The following NYAP2 variants were observed in gnomAD, a reference collection of about 807,000 sequenced individuals.
The protein encoded by NYAP2 is neuronal tyrosine-phosphorylated phosphoinositide-3-kinase adapter 2.
A neutral mutation model predicts 50.4 loss-of-function variants in NYAP2; 23 were observed. The ratio of observed to expected loss-of-function variants is 0.46; its 90% CI spans 0.33 to 0.65. The LOEUF (loss-of-function observed/expected upper bound fraction) is 0.65. Among genes scored for constraint, NYAP2 ranks in the 30% least tolerant of loss-of-function variants. NYAP2 has a pLI of 0.02. For missense variants in NYAP2, 885 were observed against 861.0 expected (o/e 1.03, Z -0.35); for synonymous variants, 394 against 365.2 (o/e 1.08, Z -0.90).
At chr2:225,610,305 T>C (rs912703151) in intron 5 of NYAP2, among the ~76,000 whole-genome samples, 4 of 152,100 alleles carry the variant, frequency 2.6e-5, no homozygotes, top group Non-Finnish European at 5.9e-5. Flanking sequence ...GCCACCTTCT[T>C]GTTGGGTGCT....
intron 5 of NYAP2, among the ~76,000 whole-genome samples, chr2:225,624,309 G>A (rs1254930342): frequency 6.6e-6 from 1 of 152,136 alleles, no homozygotes; most frequent in African/African-American, 2.4e-5. Context: ...TACCTTGATT[G>A]GGGACTATTA....
intron 5 of NYAP2, among the ~76,000 whole-genome samples, chr2:225,587,514 G>GTT (rs1692409447): frequency 6.6e-6 from 1 of 152,090 alleles, no homozygotes; most frequent in South Asian, 2.1e-4. Flanking sequence ...AGTCTTTACT[G>GTT]GAGATGTTTA....
intron 5 of NYAP2, among the ~76,000 whole-genome samples, chr2:225,615,269 G>A (rs930885676): frequency 6.6e-6 from 1 of 152,104 alleles, no homozygotes; most frequent in African/African-American, 2.4e-5. Context: ...TGAAAAAATA[G>A]ATTGAGTTCT....
the NYAP2 span, among the ~76,000 whole-genome samples, chr2:225,659,565 C>T: frequency 6.6e-6 from 1 of 152,114 alleles, no homozygotes; most frequent in East Asian, 1.9e-4. Flanking sequence ...ATGACATTAA[C>T]CACTCAAAAA....
intron 3 of NYAP2, among the ~76,000 whole-genome samples, chr2:225,419,470 T>C (rs896157613): frequency 2.6e-5 from 4 of 152,174 alleles, no homozygotes; most frequent in Non-Finnish European, 1.5e-5. Context: ...CGGAACATAG[T>C]AGTGGGAAAA....
intron 4 of NYAP2, among the ~76,000 whole-genome samples, chr2:225,546,795 G>A (rs578102064): frequency 6.6e-6 from 1 of 152,212 alleles, no homozygotes; most frequent in African/African-American, 2.4e-5. Flanking sequence ...TGAATGTACT[G>A]GGTTCCACCT....
intron 5 of NYAP2, among the ~76,000 whole-genome samples, chr2:225,591,518 A>G (rs1294120551): frequency 1.3e-5 from 2 of 152,142 alleles, no homozygotes; most frequent in African/African-American, 4.8e-5. Flanking sequence ...ACACTTCCAT[A>G]ATAATAGTGG....
In NYAP2 at chr2:225,473,211, T is replaced by A. The variant is rs538084972; in HGVS notation, c.222-40160T>A. On this transcript the variant is annotated intron_variant, in intron 3 of 6. Coordinates refer to ENST00000636099, the Ensembl canonical transcript of NYAP2. ...ATTTTCTTTATCCAGTCTATCATTG[T>A]TGGACATTTGGGTTGGTTCCAAGTC... Among the ~76,000 whole-genome samples the A allele has an allele frequency of 5.1e-3, 774 of 152,284 alleles. 4 individuals carry two copies. The highest frequency in any genetic ancestry group is 0.017 in the African/African-American group (711 of 41,564).
chr2:225,529,002 C>T (rs569797390), intron 4 of NYAP2, among the ~76,000 whole-genome samples: 16 of 152,312 alleles, frequency 1.1e-4, no homozygotes, highest in African/African-American at 3.8e-4. Context: ...TCCCCGAAGT[C>T]TCTGTTTTTG....
At chr2:225,499,581 G>T (rs1364389074) in intron 3 of NYAP2, among the ~76,000 whole-genome samples, 6 of 152,108 alleles carry the variant, frequency 3.9e-5, no homozygotes, top group African/African-American at 1.4e-4. Context: ...CTCCCAAAGT[G>T]CTGGGATTAC....
At chr2:225,484,759 A>T (rs1383157863) in intron 3 of NYAP2, among the ~76,000 whole-genome samples, 1 of 152,236 alleles carries the variant, frequency 6.6e-6, no homozygotes, top group Non-Finnish European at 1.5e-5. Context: ...GAATCTTATT[A>T]CTTGAACACG....
At chr2:225,646,831 G>A (rs766792064) in intron 6 of NYAP2, among the ~76,000 whole-genome samples, 7 of 152,072 alleles carry the variant, frequency 4.6e-5, no homozygotes, top group East Asian at 1.9e-4. Context: ...GTGCCTACTG[G>A]GGCTTGATGA....
chr2:225,618,574 A>C (rs1217129258), intron 5 of NYAP2, among the ~76,000 whole-genome samples: 1 of 152,202 alleles, frequency 6.6e-6, no homozygotes, highest in Non-Finnish European at 1.5e-5. Flanking sequence ...CACCCAACTT[A>C]AGTATTCCCA....
At chr2:225,663,598 C>A in the NYAP2 span, among the ~76,000 whole-genome samples, 1 of 152,118 alleles carries the variant, frequency 6.6e-6, no homozygotes. Flanking sequence ...CACTGTGTCA[C>A]CCAGGCTGGA....
At chr2:225,621,404 A>G (rs1467034279) in intron 5 of NYAP2, among the ~76,000 whole-genome samples, 5 of 152,214 alleles carry the variant, frequency 3.3e-5, no homozygotes. Flanking sequence ...GATTCCACTT[A>G]CATGACATAC....
chr2:225,506,006 G>T (rs141216592), intron 3 of NYAP2, among the ~76,000 whole-genome samples: 171 of 152,182 alleles, frequency 1.1e-3, no homozygotes, highest in African/African-American at 3.5e-3. Flanking sequence ...GGTGGCCAGG[G>T]TGATCCAACG....
At chr2:225,683,416 T>C in the NYAP2 span, among the ~76,000 whole-genome samples, 1 of 152,226 alleles carries the variant, frequency 6.6e-6, no homozygotes, top group South Asian at 2.1e-4. Flanking sequence ...TTAGAGAAGA[T>C]ATTTTTAAGC....
At chr2:225,684,680 T>C in the NYAP2 span, among the ~76,000 whole-genome samples, 15 of 151,952 alleles carry the variant, frequency 9.9e-5, no homozygotes, top group South Asian at 2.1e-3. Context: ...GCCTCCAGAG[T>C]AGCTGGATTA....
chr2:225,665,556 C>A, the NYAP2 span, among the ~76,000 whole-genome samples: 1 of 150,704 alleles, frequency 6.6e-6, no homozygotes, highest in South Asian at 2.1e-4. Flanking sequence ...GGGCAGCACA[C>A]CACCTTTCCC....
Sources: gnomAD v4.1 joint callset for allele counts (sites outside exome capture counted in the v4.1 genomes callset) on GRCh38, gnomAD v4.1.1 for gene constraint, MANE v1.5 for transcripts, NCBI Gene and HGNC (gene_info 2026-07-23, HGNC 2026-07-21) for gene names.